SEMA4B: variants seen among roughly 807,000 people sequenced by gnomAD.
The protein encoded by SEMA4B is semaphorin 4B, also known as semaphorin-4B.
SEMA4B carries 55 observed loss-of-function variants against 88.1 expected under a neutral mutation model. The ratio of observed to expected loss-of-function variants is 0.62; its 90% CI spans 0.50 to 0.78. The LOEUF (loss-of-function observed/expected upper bound fraction) is 0.78. Ranked by LOEUF, SEMA4B falls within the 30% of genes least tolerant of loss-of-function variation. The probability of loss-of-function intolerance (pLI) is 0.00; values close to 1 mark genes in which losing one functional copy is unlikely to be tolerated. For synonymous variants in SEMA4B, 525 were observed against 473.6 expected, an observed-to-expected ratio of 1.11 and a Z score of -1.41; for missense variants, 1,062 against 1,111.9, an observed-to-expected ratio of 0.96 and a Z score of 0.64.
chr15:90,221,657 C>G lies in SEMA4B; in HGVS notation c.753C>G (p.Gly251=). The G allele has an allele frequency of 6.2e-7, 1 of 1,614,066 alleles. No individual in the cohort carries two copies. The highest frequency in any genetic ancestry group is 8.5e-7 in the Non-Finnish European group (1 of 1,179,904). The change falls in exon 7 of 14, where the codon GGC becomes GGG. Residue 251 remains glycine (G), a synonymous_variant. Transcript: ENST00000411539. The part of the protein sequence containing the change: ...VASAYIPESL[G]SLQGDDDKIY... ...CAGCCTACATTCCTGAGAGCCTGGG[C>G]AGCTTGCAAGGCGATGATGACAAGA...
chr15:90,201,341 A>C lies in SEMA4B; in HGVS notation c.-238A>C. The C allele has an allele frequency of 8.4e-7, 1 of 1,195,850 alleles. No homozygotes were observed. The highest frequency in any genetic ancestry group is 1.0e-6 in the Non-Finnish European group (1 of 964,700). 74.1% of individuals were successfully genotyped at this position (1,195,850 alleles called of 1,614,324 possible). On this transcript the variant is annotated 5_prime_UTR_variant, in exon 1 of 14. Transcript: ENST00000411539. ...CCCCGCCCTCCGCCGCTTGCGGGTG[A>C]GCTCTGCCCAAGCCGAGGCTGCGGG... is the stretch of plus-strand genomic sequence containing the variant.
chr15:90,195,224 G>C (rs1415119155), intron 1 of SEMA4B, among the ~76,000 whole-genome samples: 5 of 151,940 alleles, frequency 3.3e-5, no homozygotes, highest in African/African-American at 4.8e-5. Context: ...CTTTCAAGTA[G>C]CTGGGACTAC....
In SEMA4B at chr15:90,228,700, G is replaced by T. The variant is rs1186036454; in HGVS notation, c.*57G>T. On this transcript the variant is annotated 3_prime_UTR_variant, in exon 14 of 14. Transcript: ENST00000411539. ...TCAGGGGCTGTGAATGCTCGGAGAG[G>T]GTCAACTGGACCTCCCCTCCGCTCT... The T allele has an allele frequency of 3.4e-5, 54 of 1,603,430 alleles. 2 individuals are homozygous for T. Among genetic ancestry groups the T allele is most frequent in the Middle Eastern group, 3.5e-4 (2 of 5,768 alleles).
upstream of SEMA4B, among the ~76,000 whole-genome samples, chr15:90,201,038 C>T (rs1245119690): frequency 1.3e-5 from 2 of 152,190 alleles, no homozygotes; most frequent in East Asian, 3.9e-4. Context: ...GGGGACGCAG[C>T]GTGTCCCCAA....
chr15:90,210,203 A>G (rs771821599), intron 1 of SEMA4B, among the ~76,000 whole-genome samples: 7 of 152,206 alleles, frequency 4.6e-5, no homozygotes, highest in Non-Finnish European at 7.3e-5. Context: ...GTGGTGCCAC[A>G]CACAAACACA....
In SEMA4B at chr15:90,228,049, T is replaced by G. The variant is rs1248894041; in HGVS notation, c.1920T>G (p.Thr640=). 3.1e-6 allele frequency: 5 copies of G among 1,613,694 alleles called. No individual in the cohort carries two copies. In the African/African-American group the frequency reaches 6.7e-5, roughly 22 times the overall value. ...NASASCHVLP[T]GDLLLVGTQQ... ...CGGCCTCCTGCCACGTGCTACCCACTGGGGACCTGCTGCTGGTGGGCACCC... is the reference window on the plus strand; with the variant it reads ...CGGCCTCCTGCCACGTGCTACCCACGGGGGACCTGCTGCTGGTGGGCACCC... Residue 640 remains threonine (T), a synonymous_variant, in exon 14 of 14, where the codon ACT becomes ACG. Coordinates refer to ENST00000411539, the MANE Select transcript of SEMA4B (RefSeq NM_198925.4).
At chr15:90,199,268 T>G (rs1448128347), upstream of SEMA4B, among the ~76,000 whole-genome samples, 2 of 152,134 alleles carry the variant, frequency 1.3e-5, no homozygotes, top group Non-Finnish European at 2.9e-5. Context: ...AGGAGGCCCT[T>G]GCAGTAACCA....
chr15:90,184,972 C>T lies in SEMA4B; in HGVS notation c.-231C>T, dbSNP rs949189126. 19 of 985,942 alleles carry T rather than the reference C, an allele frequency of 1.9e-5. No individual in the cohort carries two copies. The African/African-American group carries it at 3.1e-4, about 16-fold the overall frequency. 61.1% of individuals were successfully genotyped at this position (985,942 alleles called of 1,614,324 possible). ...GGCTGTGCGCCCGAGACTCCGGGTC[C>T]CCAGGGGCTGCGCCGGGCCGGCCTG... On this transcript the variant is annotated 5_prime_UTR_variant, in exon 1 of 15. Transcript: ENST00000332496.
Position 90,219,793 on chromosome 15 carries a change from C to T in SEMA4B, c.385C>T (p.Arg129Cys), listed in dbSNP as rs200363021. ...ATATCCCCTCGCTCCTTCCCCCCAG[C>T]GCGACTGTCAAAACTACATCAAGAT... The part of the protein sequence containing the change: ...QCSFKGKDPQ[R>C]DCQNYIKILL... The change falls in exon 4 of 14, where the codon CGC (arginine) becomes TGC (cysteine). Residue 129 changes from arginine (R) to cysteine (C), a missense_variant and splice_region_variant. Arg to Cys is a radical substitution (Grantham distance 180). Transcript: ENST00000411539. 1.3e-4 allele frequency: 209 copies of T among 1,612,126 alleles called. No homozygotes were observed. The highest frequency in any genetic ancestry group is 1.7e-4 in the Non-Finnish European group (203 of 1,178,942).
chr15:90,219,715 T>TG, intron 3 of SEMA4B, 78 bp from the exon 4 acceptor site: 1 of 1,114,968 alleles, frequency 9.0e-7, no homozygotes, highest in Non-Finnish European at 1.3e-6. Flanking sequence ...GGCCTGGGTG[T>TG]GGAAGGGGGG....
intron 1 of SEMA4B, among the ~76,000 whole-genome samples, chr15:90,209,877 A>C (rs544192860): frequency 6.6e-6 from 1 of 152,294 alleles, no homozygotes; most frequent in Admixed American, 6.5e-5. Context: ...CACTTGGTCG[A>C]ACCAAGAGGT....
At chr15:90,219,520 A>G in intron 3 of SEMA4B, 1 of 427,124 alleles carries the variant, frequency 2.3e-6, no homozygotes, top group Admixed American at 4.1e-5. Flanking sequence ...TACAACTCAA[A>G]GGGGTAGGAT....
At chr15:90,227,496 G>A (rs1962229442) in intron 12 of SEMA4B, 61 bp from the exon 13 acceptor site, 3 of 1,517,224 alleles carry the variant, frequency 2.0e-6, no homozygotes, top group East Asian at 2.3e-5. Context: ...GCAGTGAGGG[G>A]TGAGGGAATG....
At chr15:90,209,875 C>T (rs1271433116) in intron 1 of SEMA4B, among the ~76,000 whole-genome samples, 3 of 152,068 alleles carry the variant, frequency 2.0e-5, no homozygotes, top group Non-Finnish European at 2.9e-5. Context: ...GTCACTTGGT[C>T]GAACCAAGAG....
At chr15:90,185,084 A>G (rs1018099116) in intron 1 of SEMA4B, 2 of 983,764 alleles carry the variant, frequency 2.0e-6, no homozygotes, top group Non-Finnish European at 2.4e-6. Context: ...CACTCCAGGT[A>G]GGCGCGGGGG....
chr15:90,186,442 A>G (rs1306434461), intron 1 of SEMA4B, among the ~76,000 whole-genome samples: 2 of 150,874 alleles, frequency 1.3e-5, no homozygotes, highest in African/African-American at 2.4e-5. Context: ...CAATGTGGTG[A>G]AACCTCGTCT....
chr15:90,198,217 G>A (rs2151589675), upstream of SEMA4B, among the ~76,000 whole-genome samples: 1 of 152,086 alleles, frequency 6.6e-6, no homozygotes, highest in South Asian at 2.1e-4. Flanking sequence ...GCGCCTGGCT[G>A]GTAAAACTCT....
In SEMA4B at chr15:90,223,832, C is replaced by T. The variant is rs191281446; in HGVS notation, c.1044-6C>T. 2.5e-6 allele frequency: 4 copies of T among 1,613,784 alleles called. No homozygotes were observed. The highest frequency in any genetic ancestry group is 2.2e-5 in the East Asian group (1 of 44,872). ...TCCTGGGTTAATCTGGTTATTTCCT[C>T]TGCAGGCACAGGGGAACTACAGAAG... On this transcript the variant is annotated splice_region_variant and splice_polypyrimidine_tract_variant and intron_variant, in intron 8 of 13. Transcript: ENST00000411539.
intron 8 of SEMA4B, 43 bp downstream of exon 8, chr15:90,223,783 G>A: frequency 6.2e-7 from 1 of 1,606,094 alleles, no homozygotes; most frequent in Admixed American, 1.7e-5. Context: ...GGTGAAGGGT[G>A]GCTGGGACTG....
Sources: gnomAD v4.1 joint callset for allele counts (sites outside exome capture counted in the v4.1 genomes callset) on GRCh38, gnomAD v4.1.1 for gene constraint, MANE v1.5 for transcripts, NCBI Gene and HGNC (gene_info 2026-07-23, HGNC 2026-07-21) for gene names.